ENOX1: variants seen among roughly 807,000 people sequenced by gnomAD.
ENOX1 encodes candidate growth-related and time keeping constitutive hydroquinone (NADH) oxidase.
In ENOX1, 42 loss-of-function variants were observed where a neutral mutation model predicts 82.5. That is an observed-to-expected ratio of 0.51 (90% CI 0.40 to 0.66). The LOEUF (loss-of-function observed/expected upper bound fraction) is 0.66, where lower values mean the gene tolerates loss of function less well. Ranked by LOEUF, ENOX1 falls within the 30% of genes least tolerant of loss-of-function variation. The pLI, the probability that ENOX1 is intolerant of heterozygous loss-of-function variation, is 0.00. For synonymous variants in ENOX1, 271 were observed against 282.2 expected (o/e 0.96, Z 0.40); for missense variants, 608 against 811.6 (o/e 0.75, Z 3.05).
chr13:43,754,760 T>C (rs1024683177), intron 1 of ENOX1, among the ~76,000 whole-genome samples: 1 of 152,050 alleles, frequency 6.6e-6, no homozygotes, highest in South Asian at 2.1e-4. Flanking sequence ...AATTTTTTAA[T>C]TTTTTGTCAC....
intron 1 of ENOX1, among the ~76,000 whole-genome samples, chr13:43,703,100 T>C (rs947112007): frequency 1.3e-5 from 2 of 151,624 alleles, no homozygotes; most frequent in South Asian, 2.1e-4. Flanking sequence ...TTGGACTTCA[T>C]AGGCTCCAAA....
chr13:43,727,117 G>A (rs2089029842), intron 1 of ENOX1, among the ~76,000 whole-genome samples: 1 of 152,142 alleles, frequency 6.6e-6, no homozygotes, highest in Non-Finnish European at 1.5e-5. Context: ...TGCTGGTACT[G>A]AATTTCCAGC....
chr13:43,712,182 C>A (rs2087769358), intron 1 of ENOX1, among the ~76,000 whole-genome samples: 1 of 145,802 alleles, frequency 6.9e-6, no homozygotes, highest in African/African-American at 2.5e-5. Flanking sequence ...ATAGGGAATC[C>A]TTTCCCCATT....
At chr13:43,266,998 G>C (rs1593612308) in intron 13 of ENOX1, among the ~76,000 whole-genome samples, 1 of 152,234 alleles carries the variant, frequency 6.6e-6, no homozygotes, top group South Asian at 2.1e-4. Context: ...ATTCCATGAT[G>C]TCCTCTAACT....
intron 3 of ENOX1, among the ~76,000 whole-genome samples, chr13:43,416,209 G>A (rs1422626133): frequency 2.2e-4 from 27 of 125,522 alleles, no homozygotes; most frequent in East Asian, 2.5e-4. Context: ...CGGGGCGGCT[G>A]GGCAGAGGCG....
chr13:43,213,761 T>C lies in ENOX1; in HGVS notation c.*229A>G, dbSNP rs2041309775. 1 of 323,732 alleles carries C rather than the reference T, an allele frequency of 3.1e-6. No homozygotes were observed. The highest frequency in any genetic ancestry group is 5.6e-6 in the Non-Finnish European group (1 of 178,336). The allele number at this position is 323,732 out of a possible 1,614,324, so 20.1% of individuals were successfully genotyped here. On this transcript the variant is annotated 3_prime_UTR_variant, in exon 17 of 17. Coordinates refer to ENST00000690772, the MANE Select transcript of ENOX1 (RefSeq NM_001347969.2). Reference sequence around the variant, plus strand: ...TATGACTGTGGAATCATTGTTTGGTTTTCATAGGAAACAGATCTGTCACAG... The same window carrying C: ...TATGACTGTGGAATCATTGTTTGGTCTTCATAGGAAACAGATCTGTCACAG...
chr13:43,278,276 G>T (rs1304126821), intron 12 of ENOX1, among the ~76,000 whole-genome samples: 1 of 152,018 alleles, frequency 6.6e-6, no homozygotes, highest in Non-Finnish European at 1.5e-5. Context: ...TATACAGTCT[G>T]CCCCAGCTCT....
chr13:43,379,778 A>T (rs2051901320), intron 5 of ENOX1, among the ~76,000 whole-genome samples: 1 of 151,950 alleles, frequency 6.6e-6, no homozygotes, highest in South Asian at 2.1e-4. Flanking sequence ...TCCAAATTTG[A>T]TAGAAACTAT....
chr13:43,694,504 T>C (rs1480306230), intron 1 of ENOX1, among the ~76,000 whole-genome samples: 1 of 152,180 alleles, frequency 6.6e-6, no homozygotes, highest in Non-Finnish European at 1.5e-5. Context: ...TTCTCTTTCT[T>C]TTACTCTCTG....
chr13:43,385,068 G>A (rs906995395), intron 5 of ENOX1, among the ~76,000 whole-genome samples: 19 of 152,322 alleles, frequency 1.2e-4, no homozygotes, highest in South Asian at 8.3e-4. Context: ...CTGGGATCTA[G>A]TGGTGGGTGC....
At chr13:43,338,656 C>T (rs563949179) in intron 9 of ENOX1, among the ~76,000 whole-genome samples, 1 of 148,518 alleles carries the variant, frequency 6.7e-6, no homozygotes, top group East Asian at 2.0e-4. Flanking sequence ...GGATGCCATA[C>T]TCCCCAAAAT....
At chr13:43,709,872 T>A (rs2087571897) in intron 1 of ENOX1, among the ~76,000 whole-genome samples, 1 of 152,168 alleles carries the variant, frequency 6.6e-6, no homozygotes, top group Non-Finnish European at 1.5e-5. Context: ...GAAATAATAA[T>A]TTTTAAATCT....
intron 3 of ENOX1, among the ~76,000 whole-genome samples, chr13:43,480,322 G>T (rs1025214394): frequency 4.6e-5 from 7 of 152,162 alleles, no homozygotes; most frequent in African/African-American, 1.7e-4. Context: ...CTGCCCTGAT[G>T]AAGAAACATC....
chr13:43,217,534 G>A (rs2041553977), intron 16 of ENOX1, among the ~76,000 whole-genome samples: 3 of 152,160 alleles, frequency 2.0e-5, no homozygotes, highest in Admixed American at 2.0e-4. Context: ...AGTCTTCACT[G>A]TGGGGCAGGG....
intron 1 of ENOX1, among the ~76,000 whole-genome samples, chr13:43,688,645 A>G (rs1348670575): frequency 6.6e-6 from 1 of 152,186 alleles, no homozygotes; most frequent in Non-Finnish European, 1.5e-5. Flanking sequence ...GGGCATGCCA[A>G]CTCCTGGATT....
intron 12 of ENOX1, among the ~76,000 whole-genome samples, chr13:43,278,098 T>C (rs530093081): frequency 6.6e-6 from 1 of 152,346 alleles, no homozygotes; most frequent in African/African-American, 2.4e-5. Flanking sequence ...GCAAAATCAT[T>C]GATAAAACTC....
intron 12 of ENOX1, among the ~76,000 whole-genome samples, chr13:43,294,779 A>G (rs2153504590): frequency 6.6e-6 from 1 of 152,358 alleles, no homozygotes; most frequent in South Asian, 2.1e-4. Flanking sequence ...TTACGGTGGA[A>G]TACTGCTCAG....
Position 43,314,398 on chromosome 13 carries a change from T to C in ENOX1, c.1261+7986A>G, listed in dbSNP as rs943539315. ...GTGGCTCTTAACTACCTACGGTTAC[T>C]AGAATTCTACAAGACATCATCCTGT... On this transcript the variant is annotated intron_variant, in intron 11 of 16. Coordinates refer to ENST00000690772, the MANE Select transcript of ENOX1 (RefSeq NM_001347969.2). 2.0e-5 allele frequency among the ~76,000 whole-genome samples: 3 copies of C among 152,226 alleles called. No homozygotes were observed. The East Asian group carries it at 5.8e-4, about 29-fold the overall frequency.
At chr13:43,375,902 A>T (rs943195923) in intron 5 of ENOX1, among the ~76,000 whole-genome samples, 4 of 152,200 alleles carry the variant, frequency 2.6e-5, no homozygotes, top group Non-Finnish European at 5.9e-5. Flanking sequence ...CTAACACAGG[A>T]ACATTCCAGA....
Sources: allele counts gnomAD v4.1 joint callset (sites outside exome capture counted in the v4.1 genomes callset), GRCh38; gene constraint gnomAD v4.1.1; transcripts MANE v1.5; gene names NCBI Gene and HGNC (gene_info 2026-07-23, HGNC 2026-07-21).